JAK2: variants seen among roughly 807,000 people sequenced by gnomAD.
JAK2 encodes the protein tyrosine-protein kinase JAK2.
In JAK2, 86 loss-of-function variants were observed where a neutral mutation model predicts 139.3. The observed-to-expected ratio is 0.62, with a 90% CI of 0.52 to 0.74. JAK2 has a LOEUF of 0.74. Ranked by LOEUF, JAK2 falls within the 30% of genes least tolerant of loss-of-function variation. The pLI is 0.00. For synonymous variants in JAK2, 490 were observed against 437.7 expected, an observed-to-expected ratio of 1.12 and a Z score of -1.49; for missense variants, 1,421 against 1,360.3, an observed-to-expected ratio of 1.04 and a Z score of -0.70.
intron 2 of JAK2, among the ~76,000 whole-genome samples, chr9:4,994,204 A>C (rs1352644536): frequency 6.6e-6 from 1 of 152,232 alleles, no homozygotes; most frequent in East Asian, 1.9e-4. Flanking sequence ...TAAATATGCC[A>C]TAGGAACTTC....
chr9:5,047,285 C>T (rs1431831971), intron 5 of JAK2, among the ~76,000 whole-genome samples: 1 of 151,958 alleles, frequency 6.6e-6, no homozygotes, highest in Non-Finnish European at 1.5e-5. Flanking sequence ...CTTTAAATAA[C>T]CAAAAAATAG....
At chr9:5,066,814 G>T (rs755969423) in intron 10 of JAK2, 25 bp downstream of exon 10, 3 of 1,042,606 alleles carry the variant, frequency 2.9e-6, no homozygotes, top group Non-Finnish European at 2.8e-6. Context: ...CTTATTAGTG[G>T]TAACACTTTA....
At chr9:5,088,903 T>C (rs1034072) in intron 19 of JAK2, among the ~76,000 whole-genome samples, 2 of 152,236 alleles carry the variant, frequency 1.3e-5, no homozygotes, top group African/African-American at 2.4e-5. Context: ...TACAGTCATA[T>C]TGGGGGTTAA....
At chr9:5,001,685 A>T (rs1336888943) in intron 2 of JAK2, among the ~76,000 whole-genome samples, 6 of 151,592 alleles carry the variant, frequency 4.0e-5, no homozygotes, top group Non-Finnish European at 7.4e-5. Context: ...AATTCTGGCC[A>T]CATAAAATGA....
intron 2 of JAK2, among the ~76,000 whole-genome samples, chr9:4,987,740 A>G (rs1402373683): frequency 2.7e-5 from 4 of 150,842 alleles, no homozygotes; most frequent in Admixed American, 6.6e-5. Context: ...TGTCTAAAAA[A>G]AAAAAAAAAA....
intron 4 of JAK2, among the ~76,000 whole-genome samples, chr9:5,042,856 C>A (rs558283944): frequency 6.6e-6 from 1 of 152,308 alleles, no homozygotes; most frequent in East Asian, 1.9e-4. Flanking sequence ...CACCAAAGCT[C>A]GGTCGCCACA....
chr9:5,031,591 T>C (rs1357715318), intron 4 of JAK2, among the ~76,000 whole-genome samples: 3 of 152,194 alleles, frequency 2.0e-5, no homozygotes, highest in Admixed American at 2.0e-4. Context: ...CAGATTGATA[T>C]GTAAATAGAA....
chr9:5,107,158 T>A (rs1295555724), intron 22 of JAK2, among the ~76,000 whole-genome samples: 1 of 152,150 alleles, frequency 6.6e-6, no homozygotes, highest in Non-Finnish European at 1.5e-5. Flanking sequence ...AGGATCCTAC[T>A]CTTTTAGTAT....
At chr9:5,057,682 A>C (rs903273330) in intron 8 of JAK2, among the ~76,000 whole-genome samples, 1 of 150,152 alleles carries the variant, frequency 6.7e-6, no homozygotes, top group Non-Finnish European at 1.5e-5. Context: ...TCCTGGGTTC[A>C]AGCAATTTTC....
chr9:5,001,018 T>C (rs1402441661), intron 2 of JAK2, among the ~76,000 whole-genome samples: 1 of 152,184 alleles, frequency 6.6e-6, no homozygotes, highest in Middle Eastern at 3.2e-3. Context: ...TAGTAGAGTA[T>C]ATAGAAATAC....
intron 4 of JAK2, among the ~76,000 whole-genome samples, chr9:5,043,559 C>G (rs1563951696): frequency 2.0e-5 from 3 of 152,092 alleles, no homozygotes; most frequent in African/African-American, 7.2e-5. Context: ...AAAGGGTAAA[C>G]AAAGAGTTAC....
intron 2 of JAK2, among the ~76,000 whole-genome samples, chr9:5,000,222 C>A (rs1207757742): frequency 4.6e-5 from 7 of 151,792 alleles, no homozygotes; most frequent in Middle Eastern, 3.2e-3. Context: ...TTTATTTCCT[C>A]TATCATTTTT....
chr9:4,993,334 G>A (rs991348245), intron 2 of JAK2, among the ~76,000 whole-genome samples: 3 of 152,080 alleles, frequency 2.0e-5, no homozygotes, highest in Non-Finnish European at 4.4e-5. Context: ...TTTGCTCTGA[G>A]GCCCTTTTTA....
intron 22 of JAK2, among the ~76,000 whole-genome samples, chr9:5,104,575 C>T (rs1287356517): frequency 6.6e-6 from 1 of 152,156 alleles, no homozygotes; most frequent in Non-Finnish European, 1.5e-5. Context: ...CCAGCATCAG[C>T]CCGATACCAA....
chr9:5,077,658 CAAAAAAT>C, intron 15 of JAK2, 78 bp downstream of exon 15: 1 of 930,742 alleles, frequency 1.1e-6, no homozygotes, highest in Non-Finnish European at 1.5e-6. Context: ...TACCTGGAAA[CAAAAAAT>C]AAATCTGTAA....
rs564137947 is a variant in JAK2, at chr9:5,129,364, C to G, written c.*2573C>G. Among the ~76,000 whole-genome samples, 8 of 152,206 alleles carry G rather than the reference C, an allele frequency of 5.3e-5. No individual in the cohort carries two copies. In the East Asian group the frequency reaches 9.6e-4, roughly 18 times the overall value. On this transcript the variant is annotated 3_prime_UTR_variant, in exon 25 of 25. Coordinates refer to ENST00000381652, the MANE Select transcript of JAK2 (RefSeq NM_004972.4). ...CCTTGGTTTAGGGATGTTGTGATAG[C>G]TTACCTTCCAGTTTTTAAGAAATGC...
chr9:5,011,623 C>A (rs555868741), intron 2 of JAK2, among the ~76,000 whole-genome samples: 2 of 151,720 alleles, frequency 1.3e-5, no homozygotes, highest in East Asian at 3.9e-4. Context: ...ATATTTGGGT[C>A]TGCTTTGGGT....
At chr9:5,120,331 A>C (rs886454331) in intron 22 of JAK2, among the ~76,000 whole-genome samples, 1 of 152,256 alleles carries the variant, frequency 6.6e-6, no homozygotes, top group Non-Finnish European at 1.5e-5. Flanking sequence ...CACATTAACA[A>C]CACCTGAATT....
At chr9:5,085,839 A>G (rs909749710) in intron 19 of JAK2, 70 of 763,188 alleles carry the variant, frequency 9.2e-5, no homozygotes, top group Admixed American at 3.5e-5. Flanking sequence ...TTTTCCTTTT[A>G]CATCAAAGTA....
Sources: gnomAD v4.1 joint callset for allele counts (sites outside exome capture counted in the v4.1 genomes callset) on GRCh38, gnomAD v4.1.1 for gene constraint, MANE v1.5 for transcripts, NCBI Gene and HGNC (gene_info 2026-07-23, HGNC 2026-07-21) for gene names.